Variants in MSI2 observed in about 807,000 individuals in gnomAD.
MSI2 encodes the protein musashi RNA binding protein 2.
Under a neutral mutation model 45.6 loss-of-function variants are expected in MSI2, and 17 were observed. The ratio of observed to expected loss-of-function variants is 0.37; its 90% confidence interval spans 0.26 to 0.56. MSI2 has a LOEUF of 0.56. Ranked by LOEUF, MSI2 falls within the 20% of genes least tolerant of loss-of-function variation. MSI2 has a pLI of 0.77. For missense variants in MSI2, 293 were observed against 444.2 expected (o/e 0.66, Z 3.06); for synonymous variants, 156 against 158.2 (o/e 0.99, Z 0.11).
At chr17:57,363,612 G>A (rs1598172198) in intron 5 of MSI2, among the ~76,000 whole-genome samples, 1 of 152,110 alleles carries the variant, frequency 6.6e-6, no homozygotes, top group Admixed American at 6.5e-5. Flanking sequence ...GGTGGCGCAC[G>A]CCTGTAATCC....
chr17:57,363,364 G>C (rs1264070600), intron 5 of MSI2, among the ~76,000 whole-genome samples: 1 of 152,168 alleles, frequency 6.6e-6, no homozygotes, highest in African/African-American at 2.4e-5. Flanking sequence ...TAGGTCACAA[G>C]GGGGTGGGGA....
chr17:57,543,241 G>A, intron 7 of MSI2, among the ~76,000 whole-genome samples: 1 of 152,188 alleles, frequency 6.6e-6, no homozygotes, highest in East Asian at 1.9e-4. Flanking sequence ...AAAGAACCCA[G>A]CAAACTAATG....
chr17:57,425,982 T>C (rs1461718024), intron 6 of MSI2, among the ~76,000 whole-genome samples: 4 of 152,210 alleles, frequency 2.6e-5, no homozygotes, highest in African/African-American at 9.7e-5. Context: ...TTTTTTAATA[T>C]TGAAGAGTGA....
intron 8 of MSI2, among the ~76,000 whole-genome samples, chr17:57,603,231 C>T (rs1441049091): frequency 4.6e-5 from 7 of 152,342 alleles, no homozygotes; most frequent in Admixed American, 3.9e-4. Flanking sequence ...CCTCTGGGTG[C>T]AGGCCTTGGA....
intron 7 of MSI2, among the ~76,000 whole-genome samples, chr17:57,535,119 G>A (rs1474845005): frequency 6.6e-6 from 1 of 152,224 alleles, no homozygotes; most frequent in Admixed American, 6.5e-5. Context: ...GGGTGCACTG[G>A]CCAGCTCTCT....
At chr17:57,528,791 C>A (rs1489773446) in intron 6 of MSI2, among the ~76,000 whole-genome samples, 1 of 152,194 alleles carries the variant, frequency 6.6e-6, no homozygotes, top group East Asian at 1.9e-4. Context: ...AAATTAATTA[C>A]TTCTTTGAAG....
At chr17:57,286,067 C>T (rs759956086) in intron 5 of MSI2, 361 of 1,102,808 alleles carry the variant, frequency 3.3e-4, no homozygotes, top group Middle Eastern at 6.2e-4. Context: ...TCTGTCTTTC[C>T]CTCCCTTCCT....
At chr17:57,577,127 C>T (rs1049477754) in intron 7 of MSI2, among the ~76,000 whole-genome samples, 3 of 152,146 alleles carry the variant, frequency 2.0e-5, no homozygotes, top group Admixed American at 6.5e-5. Flanking sequence ...GAGGTGGCTA[C>T]GTTAGATCTT....
intron 12 of MSI2, among the ~76,000 whole-genome samples, chr17:57,675,983 A>G (rs1011292398): frequency 1.6e-4 from 24 of 152,028 alleles, no homozygotes. Context: ...GAAACAGAAA[A>G]TTGGCCAACC....
intron 5 of MSI2, among the ~76,000 whole-genome samples, chr17:57,322,223 GT>G (rs1409305790): frequency 6.6e-6 from 1 of 152,218 alleles, no homozygotes; most frequent in African/African-American, 2.4e-5. Flanking sequence ...GACCCAGTAT[GT>G]GGTAGCCATG....
chr17:57,286,695 G>A (rs1294700378), intron 5 of MSI2, among the ~76,000 whole-genome samples: 5 of 152,010 alleles, frequency 3.3e-5, no homozygotes, highest in Non-Finnish European at 7.4e-5. Flanking sequence ...GATGGAGAAT[G>A]TATTTCCCGG....
At chr17:57,348,696 C>T (rs1915798250) in intron 5 of MSI2, among the ~76,000 whole-genome samples, 1 of 152,144 alleles carries the variant, frequency 6.6e-6, no homozygotes, top group Admixed American at 6.5e-5. Flanking sequence ...GCTTGTACAG[C>T]CTGAAGAACC....
chr17:57,359,484 A>G (rs185354021), intron 5 of MSI2, among the ~76,000 whole-genome samples: 249 of 152,276 alleles, frequency 1.6e-3, no homozygotes, highest in African/African-American at 5.8e-3. Flanking sequence ...AGTTTCTTCA[A>G]CTATAAAATG....
Position 57,652,091 on chromosome 17 carries a change from C to CTGA in MSI2, c.728-7_728-5dup. On this transcript the variant is annotated splice_polypyrimidine_tract_variant and splice_region_variant and intron_variant, in intron 10 of 13. Coordinates refer to ENST00000284073, the MANE Select transcript of MSI2 (RefSeq NM_138962.4). The surrounding 1 kb of genome is among the most constrained non-coding windows in gnomAD (Gnocchi z 4.1). ...TCCATGACTCAGGCTCCTCTCTCTC[C>CTGA]TGACCAGGCTTCCCAGCAGCGGCTT... 6.2e-7 allele frequency: 1 copy of CTGA among 1,614,028 alleles called. No homozygotes were observed. Among genetic ancestry groups the CTGA allele is most frequent in the Non-Finnish European group, 8.5e-7 (1 of 1,179,948 alleles).
intron 4 of MSI2, among the ~76,000 whole-genome samples, chr17:57,260,293 C>T (rs1048729167): frequency 7.9e-5 from 12 of 152,188 alleles, no homozygotes; most frequent in African/African-American, 2.9e-4. Flanking sequence ...TGAGGAACTT[C>T]GATCATGATA....
intron 5 of MSI2, among the ~76,000 whole-genome samples, chr17:57,399,799 T>C (rs770709381): frequency 6.6e-6 from 1 of 152,184 alleles, no homozygotes; most frequent in Non-Finnish European, 1.5e-5. Context: ...AACTCATACC[T>C]AGGAGGAAGT....
At chr17:57,675,281 G>A (rs1019550456) in intron 12 of MSI2, among the ~76,000 whole-genome samples, 155 bp downstream of exon 12, 10 of 152,164 alleles carry the variant, frequency 6.6e-5, no homozygotes, top group South Asian at 2.1e-4. Context: ...TGAAGCCTCC[G>A]TCGTCTTAGA....
chr17:57,686,967 T>G (rs1266544306), downstream of MSI2, among the ~76,000 whole-genome samples: 1 of 151,960 alleles, frequency 6.6e-6, no homozygotes, highest in Non-Finnish European at 1.5e-5. Context: ...TTGGTTTATA[T>G]TCATGGAACA....
intron 5 of MSI2, among the ~76,000 whole-genome samples, chr17:57,326,812 A>C (rs1378597256): frequency 6.6e-6 from 1 of 152,192 alleles, no homozygotes; most frequent in Non-Finnish European, 1.5e-5. Context: ...GGAAGTGGAG[A>C]GGGAGATTTG....
Sources: gnomAD v4.1 joint callset for allele counts (sites outside exome capture counted in the v4.1 genomes callset) on GRCh38, gnomAD v4.1.1 for gene constraint, Gnocchi (gnomAD v3.1) non-coding constraint, MANE v1.5 for transcripts, NCBI Gene and HGNC (gene_info 2026-07-23, HGNC 2026-07-21) for gene names.